HTR1F: variants seen among roughly 807,000 people sequenced by gnomAD.
HTR1F encodes the protein 5-hydroxytryptamine (serotonin) receptor 1F, G protein-coupled.
A neutral mutation model predicts 24.0 loss-of-function variants in HTR1F; 17 were observed. The observed-to-expected ratio is 0.71, with a 90% CI of 0.48 to 1.06. The LOEUF (loss-of-function observed/expected upper bound fraction) is 1.06, where lower values mean the gene tolerates loss of function less well. Among genes scored for constraint, HTR1F ranks in the 50% least tolerant of loss-of-function variants. HTR1F has a pLI of 0.00. For missense variants in HTR1F, 391 were observed against 427.8 expected (o/e 0.91, Z 0.76); for synonymous variants, 186 against 156.8 (o/e 1.19, Z -1.39).
intron 2 of HTR1F, among the ~76,000 whole-genome samples, chr3:87,850,816 C>CAA (rs1276062383): frequency 7.0e-6 from 1 of 142,892 alleles, no homozygotes; most frequent in Non-Finnish European, 1.5e-5. Flanking sequence ...GGAACAACAA[C>CAA]AAAAAAAAAA....
chr3:87,837,802 G>A (rs1464957492), intron 2 of HTR1F, among the ~76,000 whole-genome samples: 1 of 151,928 alleles, frequency 6.6e-6, no homozygotes, highest in East Asian at 1.9e-4. Flanking sequence ...CTGGCATTAA[G>A]TGGCATTGAA....
In HTR1F at chr3:87,991,323, A is replaced by T; in HGVS notation, c.574A>T (p.Ile192Phe). Residue 192 changes from isoleucine (I) to phenylalanine (F), a missense_variant, in exon 3 of 3, where the codon ATC becomes TTC. Ile to Phe is a conservative substitution (Grantham distance 21). Coordinates refer to ENST00000319595, the MANE Select transcript of HTR1F (RefSeq NM_001322209.2). ...TTACTCAACATTTGGAGCTTTCTAC[A>T]TCCCACTGGCATTGATTTTGATCCT... is the stretch of plus-strand genomic sequence containing the variant. ...TIYSTFGAFY[I>F]PLALILILYY... 1.9e-6 allele frequency: 3 copies of T among 1,613,952 alleles called. No homozygotes were observed. Among genetic ancestry groups the T allele is most frequent in the Non-Finnish European group, 2.5e-6 (3 of 1,179,980 alleles).
chr3:87,933,425 C>A (rs1176569954), intron 2 of HTR1F, among the ~76,000 whole-genome samples: 1 of 152,188 alleles, frequency 6.6e-6, no homozygotes, highest in East Asian at 1.9e-4. Flanking sequence ...TCCCTCTTTG[C>A]AGACGACATG....
chr3:87,836,550 T>G (rs1376791930), intron 2 of HTR1F, among the ~76,000 whole-genome samples: 1 of 152,132 alleles, frequency 6.6e-6, no homozygotes, highest in Non-Finnish European at 1.5e-5. Context: ...ACAGAATTTC[T>G]TAATGTTTTA....
chr3:87,870,389 G>C (rs1479414240), intron 2 of HTR1F, among the ~76,000 whole-genome samples: 3 of 152,038 alleles, frequency 2.0e-5, no homozygotes, highest in Admixed American at 1.3e-4. Context: ...TAGCCAAAAA[G>C]CTTTACCAGG....
chr3:87,907,876 G>A (rs879716358), intron 2 of HTR1F, among the ~76,000 whole-genome samples: 6 of 151,884 alleles, frequency 4.0e-5, no homozygotes, highest in Non-Finnish European at 7.4e-5. Flanking sequence ...TTAACCAAAA[G>A]AAAGAGGCAT....
At chr3:87,885,605 TAAAGA>T (rs1705920749) in intron 2 of HTR1F, among the ~76,000 whole-genome samples, 1 of 114,264 alleles carries the variant, frequency 8.8e-6, no homozygotes, top group Non-Finnish European at 1.6e-5. Flanking sequence ...GCAAGACTAA[TAAAGA>T]AAAGAGAGAA....
At chr3:87,961,198 C>T (rs74362435) in intron 2 of HTR1F, among the ~76,000 whole-genome samples, 1 of 152,086 alleles carries the variant, frequency 6.6e-6, no homozygotes, top group East Asian at 1.9e-4. Context: ...CCACTACAAG[C>T]ACCAATCAAC....
At chr3:87,827,255 C>CA (rs1704484067) in intron 2 of HTR1F, among the ~76,000 whole-genome samples, 1 of 151,976 alleles carries the variant, frequency 6.6e-6, no homozygotes, top group South Asian at 2.1e-4. Flanking sequence ...CCTCTCCCCG[C>CA]AACCCCCAAC....
Position 87,906,545 on chromosome 3 carries a change from TTTTC to T in HTR1F, c.-42-84159_-42-84156del, listed in dbSNP as rs572406928. On this transcript the variant is annotated intron_variant, in intron 2 of 2. Transcript: ENST00000319595. ...ATTTTTTTTTTAATTTTTTCTTTCT[TTTTC>T]TTTATTTCAATAGGCTTTTGGTAAC... 4.2e-3 allele frequency among the ~76,000 whole-genome samples: 636 copies of T among 152,134 alleles called. 6 individuals are homozygous for T. The highest frequency in any genetic ancestry group is 0.015 in the African/African-American group (616 of 41,528).
intron 2 of HTR1F, among the ~76,000 whole-genome samples, chr3:87,839,881 G>A (rs1704763450): frequency 6.6e-6 from 1 of 152,104 alleles, no homozygotes. Context: ...TTCTGTATTA[G>A]TTTGCTTAGG....
intron 1 of HTR1F, among the ~76,000 whole-genome samples, chr3:87,817,503 A>G (rs1309170991): frequency 6.6e-6 from 1 of 152,194 alleles, no homozygotes; most frequent in Non-Finnish European, 1.5e-5. Context: ...CAAAATTCCT[A>G]CATAGAATGG....
intron 2 of HTR1F, among the ~76,000 whole-genome samples, chr3:87,871,632 A>G (rs1175216843): frequency 6.6e-6 from 1 of 152,066 alleles, no homozygotes; most frequent in Non-Finnish European, 1.5e-5. Flanking sequence ...TTGAAAGTGA[A>G]AAGCAAAAAA....
At chr3:87,843,807 T>G (rs1203777121) in intron 2 of HTR1F, among the ~76,000 whole-genome samples, 2 of 151,690 alleles carry the variant, frequency 1.3e-5, no homozygotes, top group African/African-American at 4.9e-5. Context: ...GATAGTTTAC[T>G]GAGAATGATG....
In HTR1F at chr3:87,966,459, T is replaced by C. The variant is rs116146086; in HGVS notation, c.-42-24249T>C. On this transcript the variant is annotated intron_variant, in intron 2 of 2. Transcript: ENST00000319595. ...GAAGAAAATTGATGGCTAAATGTGA[T>C]GTCTTATGTCTGTTGCATGTTAAAC... is the stretch of plus-strand genomic sequence containing the variant. Among the ~76,000 whole-genome samples the C allele has an allele frequency of 5.7e-3, 865 of 152,352 alleles. 14 individuals are homozygous for C. The highest frequency in any genetic ancestry group is 0.02 in the African/African-American group (811 of 41,582).
intron 2 of HTR1F, among the ~76,000 whole-genome samples, chr3:87,862,340 A>G (rs1259561350): frequency 6.6e-6 from 1 of 152,208 alleles, no homozygotes; most frequent in African/African-American, 2.4e-5. Context: ...AACAGCTGAA[A>G]ACAGTTGTCT....
At chr3:87,971,459 T>C (rs1705284240) in intron 2 of HTR1F, among the ~76,000 whole-genome samples, 1 of 152,072 alleles carries the variant, frequency 6.6e-6, no homozygotes, top group Non-Finnish European at 1.5e-5. Flanking sequence ...CTAGGGAGTC[T>C]GAGGTGGGAG....
chr3:87,859,464 G>A (rs542183281), intron 2 of HTR1F, among the ~76,000 whole-genome samples: 1 of 152,294 alleles, frequency 6.6e-6, no homozygotes, highest in East Asian at 1.9e-4. Flanking sequence ...CCACAAAACA[G>A]TAGCAAATTT....
At chr3:87,845,167 T>G (rs1444871388) in intron 2 of HTR1F, among the ~76,000 whole-genome samples, 10 of 151,730 alleles carry the variant, frequency 6.6e-5, no homozygotes, top group African/African-American at 2.2e-4. Context: ...CTTTGAAAAC[T>G]GGCACAAGAC....
Sources: allele counts gnomAD v4.1 joint callset (sites outside exome capture counted in the v4.1 genomes callset), GRCh38; gene constraint gnomAD v4.1.1; transcripts MANE v1.5; gene names NCBI Gene and HGNC (gene_info 2026-07-23, HGNC 2026-07-21).